GALNT18: variants seen among roughly 807,000 people sequenced by gnomAD.
GALNT18 encodes polypeptide N-acetylgalactosaminyltransferase 18.
Under a neutral mutation model 69.5 loss-of-function variants are expected in GALNT18, and 44 were observed. The observed-to-expected ratio is 0.63, with a 90% CI of 0.50 to 0.81. The LOEUF (loss-of-function observed/expected upper bound fraction) is 0.81, where lower values mean the gene tolerates loss of function less well. Ranked by LOEUF, GALNT18 falls within the 40% of genes least tolerant of loss-of-function variation. GALNT18 has a pLI of 0.00. For missense variants in GALNT18, 715 were observed against 810.0 expected (o/e 0.88, Z 1.42); for synonymous variants, 364 against 318.2 (o/e 1.14, Z -1.53).
At chr11:11,342,940 T>G (rs1210586773) in intron 6 of GALNT18, among the ~76,000 whole-genome samples, 1 of 152,224 alleles carries the variant, frequency 6.6e-6, no homozygotes, top group African/African-American at 2.4e-5. Context: ...TGGTGCATAA[T>G]AAGCATGTGG....
chr11:11,408,290 G>A lies in GALNT18; in HGVS notation c.595+24331C>T, dbSNP rs558376818. 1.6e-3 allele frequency among the ~76,000 whole-genome samples: 238 copies of A among 150,356 alleles called. 1 individual carries two copies. The highest frequency in any genetic ancestry group is 3.3e-3 in the Admixed American group (50 of 14,982). ...GGCTGAGGCCGGAAAATTGCTTGCC[G>A]GGAGGCAGAGGCTGCAGTGAGCCAA... On this transcript the variant is annotated intron_variant, in intron 3 of 10. Transcript: ENST00000227756.
At chr11:11,291,874 A>G (rs117709783) in intron 10 of GALNT18, among the ~76,000 whole-genome samples, 158 of 152,304 alleles carry the variant, frequency 1.0e-3, no homozygotes, top group Non-Finnish European at 1.8e-3. Context: ...AATTCTGCAC[A>G]CCCAGACCAC....
intron 3 of GALNT18, among the ~76,000 whole-genome samples, chr11:11,397,321 AAG>A (rs1854357313): frequency 6.6e-6 from 1 of 152,174 alleles, no homozygotes; most frequent in African/African-American, 2.4e-5. Context: ...ACAGATATCA[AAG>A]AGTGTATGGG....
chr11:11,331,808 T>C (rs1373004907), intron 8 of GALNT18, among the ~76,000 whole-genome samples: 1 of 152,114 alleles, frequency 6.6e-6, no homozygotes, highest in Non-Finnish European at 1.5e-5. Context: ...GGCAAAAGTT[T>C]ATGTGTTTAG....
intron 1 of GALNT18, among the ~76,000 whole-genome samples, chr11:11,516,592 T>G (rs527264727): frequency 6.6e-6 from 1 of 152,100 alleles, no homozygotes; most frequent in Admixed American, 6.5e-5. Context: ...GATGACACCA[T>G]TGAACTCTAG....
At chr11:11,342,936 A>G (rs1376823990) in intron 6 of GALNT18, among the ~76,000 whole-genome samples, 1 of 152,242 alleles carries the variant, frequency 6.6e-6, no homozygotes, top group African/African-American at 2.4e-5. Flanking sequence ...TGCCTGGTGC[A>G]TAATAAGCAT....
Position 11,327,130 on chromosome 11 carries a change from C to T in GALNT18, c.1468G>A (p.Glu490Lys), listed in dbSNP as rs750767311. The change falls in exon 9 of 11, where the codon GAG becomes AAG. Residue 490 changes from glutamate to lysine, a missense_variant. Glu to Lys is a moderately conservative substitution (Grantham distance 56). Transcript: ENST00000227756. ...DLCLDQGPDT[E>K]NVPIMYICHG... ...CAGATGTACATGATGGGGACATTCT[C>T]TGTATCTGGCCCCTGGTCAAGACAC... The T allele has an allele frequency of 1.2e-6, 2 of 1,614,098 alleles. No homozygotes were observed. Among genetic ancestry groups the T allele is most frequent in the Admixed American group, 1.7e-5 (1 of 60,022 alleles).
Position 11,379,228 on chromosome 11 carries a change from T to G in GALNT18, c.632A>C (p.Lys211Thr). Reference sequence around the variant, plus strand: ...GAAGCCTGGCTTCTGGCTGTTCACCTTGTCCACATATTCGGTCAGCTTCTC... The same window carrying G: ...GAAGCCTGGCTTCTGGCTGTTCACCGTGTCCACATATTCGGTCAGCTTCTC... ...LKEKLTEYVDKVNSQKPGFIK... is the reference protein window; with the variant it reads ...LKEKLTEYVDTVNSQKPGFIK... Residue 211 changes from lysine to threonine, a missense_variant, in exon 4 of 11, where the codon AAG (lysine) becomes ACG (threonine). Physicochemically the swap from Lys to Thr is moderately conservative, Grantham distance 78. Coordinates refer to ENST00000227756, the MANE Select transcript of GALNT18 (RefSeq NM_198516.3). 1 of 1,613,288 alleles carries G rather than the reference T, an allele frequency of 6.2e-7. No homozygotes were observed. Among genetic ancestry groups the G allele is most frequent in the Non-Finnish European group, 8.5e-7 (1 of 1,179,984 alleles).
rs1859561159 is a variant in GALNT18 at position 11,598,722 on chromosome 11, G to A, written c.235+22637C>T. Among the ~76,000 whole-genome samples the A allele has an allele frequency of 6.6e-6, 1 of 151,944 alleles. No homozygotes were observed. Among genetic ancestry groups the A allele is most frequent in the South Asian group, 2.1e-4 (1 of 4,798 alleles). On this transcript the variant is annotated intron_variant, in intron 1 of 10. Transcript: ENST00000227756. This position sits in a 1 kb window ranked among gnomAD's most constrained non-coding sequence, Gnocchi z 4.8. ...AAGATATTTTTTCTTTTTCAATATA[G>A]ACATTTATAGTTATACATTTCCCTT...
rs760789394 is a variant in GALNT18 at position 11,436,141 on chromosome 11, C to T, written c.429-3354G>A. Among the ~76,000 whole-genome samples, 2 of 152,168 alleles carry T rather than the reference C, an allele frequency of 1.3e-5. No individual in the cohort carries two copies. The highest frequency in any genetic ancestry group is 2.4e-5 in the African/African-American group (1 of 41,418). ...TATGGGGGGATCGTTTTTGGGAAAG[C>T]GTTTGAAGGGGATGAAGTCACCCAG... On this transcript the variant is annotated intron_variant, in intron 2 of 10. Transcript: ENST00000227756. The surrounding 1 kb of genome is among the most constrained non-coding windows in gnomAD (Gnocchi z 4.5).
At chr11:11,580,816 G>A (rs1347582394) in intron 1 of GALNT18, among the ~76,000 whole-genome samples, 1 of 152,232 alleles carries the variant, frequency 6.6e-6, no homozygotes, top group East Asian at 1.9e-4. Flanking sequence ...CTCTTTACCA[G>A]CTGTGAAGCA....
chr11:11,324,016 A>C (rs551131597), intron 9 of GALNT18, among the ~76,000 whole-genome samples: 1 of 152,322 alleles, frequency 6.6e-6, no homozygotes, highest in African/African-American at 2.4e-5. Flanking sequence ...CATCCTTATA[A>C]GAATAGACAC....
intron 1 of GALNT18, among the ~76,000 whole-genome samples, chr11:11,499,424 C>G (rs1856930012): frequency 6.6e-6 from 1 of 152,138 alleles, no homozygotes; most frequent in African/African-American, 2.4e-5. Flanking sequence ...CTGACTGCAG[C>G]CTGTTACCTC....
rs987898602 is a variant in GALNT18, at chr11:11,387,775, T to C, written c.596-8511A>G. On this transcript the variant is annotated intron_variant, in intron 3 of 10. Coordinates refer to ENST00000227756, the MANE Select transcript of GALNT18 (RefSeq NM_198516.3). The surrounding 1 kb of genome is among the most constrained non-coding windows in gnomAD (Gnocchi z 4.6). ...CCGCACCTCCATGGAGAATCTGGAG[T>C]GGGGGCTCAGGACTCAGATGGTCCT... Among the ~76,000 whole-genome samples the C allele has an allele frequency of 6.6e-6, 1 of 151,706 alleles. No individual in the cohort carries two copies. Among genetic ancestry groups the C allele is most frequent in the African/African-American group, 2.4e-5 (1 of 41,252 alleles).
Position 11,511,415 on chromosome 11 carries a change from C to T in GALNT18, c.236-62479G>A, listed in dbSNP as rs1366953965. 6.6e-6 allele frequency among the ~76,000 whole-genome samples: 1 copy of T among 152,158 alleles called. No individual in the cohort carries two copies. The highest frequency in any genetic ancestry group is 1.5e-5 in the Non-Finnish European group (1 of 68,040). ...AAGGCTGAAGCATGACCTAGCCAGTCCCCTACAGCTAACAGAGCGACCCCA... is the reference window on the plus strand; with the variant it reads ...AAGGCTGAAGCATGACCTAGCCAGTTCCCTACAGCTAACAGAGCGACCCCA... On this transcript the variant is annotated intron_variant, in intron 1 of 10. Transcript: ENST00000227756. This position sits in a 1 kb window ranked among gnomAD's most constrained non-coding sequence, Gnocchi z 4.9.
At position 11,372,584 on chromosome 11, in the gene GALNT18, G is replaced by C; in HGVS notation, c.1023C>G (p.Phe341Leu). ...IGCFIVDRQYFQEIGLLDEGM... is the reference protein window; with the variant it reads ...IGCFIVDRQYLQEIGLLDEGM... ...CTTCGTCCAGCAGGCCGATCTCCTG[G>C]AAGTACTGCCGGTCCACAATGAAGC... The change falls in exon 6 of 11, where the codon TTC (phenylalanine) becomes TTG (leucine). Residue 341 changes from phenylalanine to leucine, a missense_variant. By Grantham distance (22) the Phe-to-Leu change is conservative. Coordinates refer to ENST00000227756, the MANE Select transcript of GALNT18 (RefSeq NM_198516.3). The surrounding 1 kb of genome is among the most constrained non-coding windows in gnomAD (Gnocchi z 4.9). The C allele has an allele frequency of 6.2e-7, 1 of 1,614,196 alleles. No homozygotes were observed.
intron 3 of GALNT18, among the ~76,000 whole-genome samples, chr11:11,409,122 T>A (rs1347501336): frequency 6.6e-6 from 1 of 152,166 alleles, no homozygotes; most frequent in Non-Finnish European, 1.5e-5. Context: ...TCCTTCCAAA[T>A]GCTACCAACA....
At chr11:11,376,852 A>G (rs1048671834) in intron 5 of GALNT18, among the ~76,000 whole-genome samples, 1 of 152,126 alleles carries the variant, frequency 6.6e-6, no homozygotes, top group Non-Finnish European at 1.5e-5. Flanking sequence ...TATTCCAATG[A>G]TTTTGTCTGT....
rs779921757 is a variant in GALNT18 at position 11,436,844 on chromosome 11, G to A, written c.429-4057C>T. Reference sequence around the variant, plus strand: ...CACCTTGAAAAGAACACGCCTCCAAGAGCTGCGTGGGAGAGGACTGCTCTG... The same window carrying A: ...CACCTTGAAAAGAACACGCCTCCAAAAGCTGCGTGGGAGAGGACTGCTCTG... On this transcript the variant is annotated intron_variant, in intron 2 of 10. Coordinates refer to ENST00000227756, the MANE Select transcript of GALNT18 (RefSeq NM_198516.3). The surrounding 1 kb of genome is among the most constrained non-coding windows in gnomAD (Gnocchi z 4.5). 8.5e-5 allele frequency among the ~76,000 whole-genome samples: 13 copies of A among 152,206 alleles called. No homozygotes were observed. Among genetic ancestry groups the A allele is most frequent in the African/African-American group, 3.1e-4 (13 of 41,440 alleles).
Sources: gnomAD v4.1 joint callset for allele counts (sites outside exome capture counted in the v4.1 genomes callset) on GRCh38, gnomAD v4.1.1 for gene constraint, Gnocchi (gnomAD v3.1) non-coding constraint, MANE v1.5 for transcripts, NCBI Gene and HGNC (gene_info 2026-07-23, HGNC 2026-07-21) for gene names.